DLGAP1: variants seen among roughly 807,000 people sequenced by gnomAD.
DLGAP1 encodes the protein disks large-associated protein 1.
Under a neutral mutation model 90.8 loss-of-function variants are expected in DLGAP1, and 11 were observed. The ratio of observed to expected loss-of-function variants is 0.12; its 90% confidence interval spans 0.08 to 0.20. The LOEUF (loss-of-function observed/expected upper bound fraction) is 0.20, where lower values mean the gene tolerates loss of function less well. Among genes scored for constraint, DLGAP1 ranks in the 10% least tolerant of loss-of-function variants. The pLI is 1.00. For missense variants in DLGAP1, 1,050 were observed against 1,333.8 expected, an observed-to-expected ratio of 0.79 and a Z score of 3.31; for synonymous variants, 558 against 540.7, an observed-to-expected ratio of 1.03 and a Z score of -0.44.
rs558154192 is a variant in DLGAP1, at chr18:4,426,469, A to C, written c.-267+28537T>G. 8.6e-5 allele frequency among the ~76,000 whole-genome samples: 13 copies of C among 151,836 alleles called. No individual in the cohort carries two copies. In the South Asian group the frequency reaches 2.7e-3, roughly 31 times the overall value. On this transcript the variant is annotated intron_variant, in intron 1 of 12. Coordinates refer to ENST00000315677, the MANE Select transcript of DLGAP1 (RefSeq NM_004746.4). ...TTTAGAAGGTCTATCTTGTTCAGAA[A>C]GGATTTCAAGAGGATAAAACATGTG...
At chr18:4,176,941 G>C (rs1341518133) in intron 1 of DLGAP1, among the ~76,000 whole-genome samples, 1 of 152,130 alleles carries the variant, frequency 6.6e-6, no homozygotes, top group African/African-American at 2.4e-5. Flanking sequence ...TTTCCTACCT[G>C]TTGGCCCCAA....
At chr18:3,551,044 C>A (rs1378046885) in intron 9 of DLGAP1, among the ~76,000 whole-genome samples, 1 of 151,526 alleles carries the variant, frequency 6.6e-6, no homozygotes. Context: ...TCCAGCCCAC[C>A]AGAACCAGAC....
At chr18:4,189,814 A>G (rs1465662528) in intron 1 of DLGAP1, among the ~76,000 whole-genome samples, 1 of 152,154 alleles carries the variant, frequency 6.6e-6, no homozygotes, top group Admixed American at 6.6e-5. Context: ...CCACACAAAT[A>G]CAATCAACTG....
intron 2 of DLGAP1, among the ~76,000 whole-genome samples, chr18:4,141,776 T>A (rs1323161120): frequency 6.6e-6 from 1 of 151,928 alleles, no homozygotes; most frequent in Non-Finnish European, 1.5e-5. Flanking sequence ...CTTCAGTATG[T>A]CAATTGCACT....
chr18:3,643,804 A>G (rs183525381), intron 7 of DLGAP1, among the ~76,000 whole-genome samples: 1 of 152,308 alleles, frequency 6.6e-6, no homozygotes, highest in Non-Finnish European at 1.5e-5. Context: ...TTGATGAAAG[A>G]GTACGTTGAT....
chr18:3,815,238 G>T (rs2067044073), intron 4 of DLGAP1, among the ~76,000 whole-genome samples: 1 of 152,152 alleles, frequency 6.6e-6, no homozygotes, highest in African/African-American at 2.4e-5. Flanking sequence ...TCCTAAACCA[G>T]TGGTCTCTAC....
At position 4,131,358 on chromosome 18, in the gene DLGAP1, A is replaced by C. The variant is rs188277982; in HGVS notation, c.-159+19822T>G. On this transcript the variant is annotated intron_variant, in intron 2 of 12. Coordinates refer to ENST00000315677, the MANE Select transcript of DLGAP1 (RefSeq NM_004746.4). ...AATGGAATAAGAAATAGTGATATTT[A>C]AAAGTAAAACATGCGAAGAACTGTA... Among the ~76,000 whole-genome samples the C allele has an allele frequency of 7.5e-4, 114 of 152,356 alleles. 1 individual carries two copies. The highest frequency in any genetic ancestry group is 2.6e-3 in the African/African-American group (110 of 41,586).
intron 1 of DLGAP1, among the ~76,000 whole-genome samples, chr18:4,438,876 G>A (rs183723975): frequency 9.9e-5 from 15 of 152,222 alleles, no homozygotes; most frequent in African/African-American, 3.1e-4. Flanking sequence ...TGTTTTAAAG[G>A]AAGCTCAAAA....
chr18:3,917,124 T>A (rs567562183), intron 3 of DLGAP1, among the ~76,000 whole-genome samples: 10 of 152,342 alleles, frequency 6.6e-5, no homozygotes, highest in African/African-American at 2.4e-4. Context: ...CTGAGCACAT[T>A]TAAGTAGGTT....
intron 3 of DLGAP1, among the ~76,000 whole-genome samples, chr18:3,917,979 C>A (rs1006033605): frequency 1.3e-5 from 2 of 152,138 alleles, no homozygotes; most frequent in Admixed American, 6.5e-5. Flanking sequence ...CGCTGTACCC[C>A]ACTCCTTGGC....
intron 7 of DLGAP1, among the ~76,000 whole-genome samples, chr18:3,665,928 C>A (rs1397511711): frequency 6.6e-6 from 1 of 152,186 alleles, no homozygotes; most frequent in African/African-American, 2.4e-5. Context: ...CACCTTTGAT[C>A]TCTCATCCTT....
chr18:3,750,573 G>T (rs1199542048), intron 5 of DLGAP1, among the ~76,000 whole-genome samples: 2 of 152,164 alleles, frequency 1.3e-5, no homozygotes, highest in Admixed American at 6.5e-5. Flanking sequence ...TGCTTCCTCA[G>T]TCCAGGCTTC....
chr18:4,271,128 T>C (rs1381905768), intron 1 of DLGAP1, among the ~76,000 whole-genome samples: 1 of 152,162 alleles, frequency 6.6e-6, no homozygotes, highest in African/African-American at 2.4e-5. Flanking sequence ...GACAGCTTTC[T>C]CCAAGCTGGT....
At chr18:4,221,056 T>C (rs550445705) in intron 1 of DLGAP1, among the ~76,000 whole-genome samples, 50 of 152,268 alleles carry the variant, frequency 3.3e-4, no homozygotes, top group African/African-American at 1.2e-3. Flanking sequence ...ATGTAGTACA[T>C]AGTAGTCTCT....
At chr18:4,401,469 T>C (rs2082553053) in intron 1 of DLGAP1, among the ~76,000 whole-genome samples, 1 of 152,182 alleles carries the variant, frequency 6.6e-6, no homozygotes, top group South Asian at 2.1e-4. Flanking sequence ...CCTTCTGAGT[T>C]TTCTGCTTAT....
At chr18:4,373,198 G>A (rs560708) in intron 1 of DLGAP1, among the ~76,000 whole-genome samples, 44,448 of 151,934 alleles carry the variant, frequency 0.29, 7,059 homozygotes, top group Non-Finnish European at 0.35. Context: ...GTCAACAATG[G>A]ATTACAGGGG....
chr18:4,392,203 T>C (rs1329536923), intron 1 of DLGAP1, among the ~76,000 whole-genome samples: 3 of 152,162 alleles, frequency 2.0e-5, no homozygotes, highest in Admixed American at 6.5e-5. Flanking sequence ...TGAGGGGCAG[T>C]TGGTAGGCAG....
intron 1 of DLGAP1, among the ~76,000 whole-genome samples, chr18:4,223,221 T>C (rs1377909619): frequency 6.6e-6 from 1 of 152,200 alleles, no homozygotes; most frequent in African/African-American, 2.4e-5. Context: ...TAAATTAATA[T>C]TTAATAAACA....
chr18:3,688,985 C>T (rs1417697181), intron 7 of DLGAP1, among the ~76,000 whole-genome samples: 3 of 152,128 alleles, frequency 2.0e-5, no homozygotes, highest in Non-Finnish European at 4.4e-5. Flanking sequence ...TTACCTTTAG[C>T]GGATCTGGTT....
Sources: allele counts gnomAD v4.1 joint callset (sites outside exome capture counted in the v4.1 genomes callset), GRCh38; gene constraint gnomAD v4.1.1; transcripts MANE v1.5; gene names NCBI Gene and HGNC (gene_info 2026-07-23, HGNC 2026-07-21).